The following CFAP299 variants were observed in gnomAD, a reference collection of about 807,000 sequenced individuals.
CFAP299 encodes cilia- and flagella-associated protein 299.
A neutral mutation model predicts 27.0 loss-of-function variants in CFAP299; 21 were observed. The observed-to-expected ratio is 0.78, with a 90% confidence interval of 0.55 to 1.12. The LOEUF is 1.12. Among genes scored for constraint, CFAP299 ranks in the 50% most tolerant of loss-of-function variants. The pLI, the probability that CFAP299 is intolerant of heterozygous loss-of-function variation, is 0.00. For synonymous variants in CFAP299, 104 were observed against 98.1 expected (o/e 1.06, Z -0.36); for missense variants, 310 against 276.6 (o/e 1.12, Z -0.86).
chr4:80,882,216 G>A lies in CFAP299; in HGVS notation c.476+12081G>A, dbSNP rs150557850. 3.5e-3 allele frequency among the ~76,000 whole-genome samples: 534 copies of A among 152,258 alleles called. 3 individuals carry two copies. The highest frequency in any genetic ancestry group is 0.013 in the African/African-American group (520 of 41,546). ...GCAATAATGATGGAAAACATCCTCA[G>A]TCTCAAAAAGGAAATGGAAAGCTAG... is the stretch of plus-strand genomic sequence containing the variant. On this transcript the variant is annotated intron_variant, in intron 4 of 5. Coordinates refer to ENST00000358105, the MANE Select transcript of CFAP299 (RefSeq NM_152770.3).
chr4:80,861,136 C>G (rs540883145), intron 3 of CFAP299, among the ~76,000 whole-genome samples: 2 of 152,178 alleles, frequency 1.3e-5, no homozygotes, highest in East Asian at 1.9e-4. Context: ...CCCCCAGCCT[C>G]GCTGCCACCT....
intron 3 of CFAP299, among the ~76,000 whole-genome samples, chr4:80,841,901 G>T (rs559854038): frequency 1.3e-5 from 2 of 152,184 alleles, no homozygotes; most frequent in South Asian, 2.1e-4. Flanking sequence ...TAAAAAAAAG[G>T]TCTTGGCAAG....
intron 2 of CFAP299, among the ~76,000 whole-genome samples, chr4:80,415,454 A>C (rs978128513): frequency 6.6e-6 from 1 of 152,190 alleles, no homozygotes; most frequent in Non-Finnish European, 1.5e-5. Context: ...ATTGAATCTG[A>C]ATGAAATAAA....
intron 2 of CFAP299, among the ~76,000 whole-genome samples, chr4:80,506,052 C>T (rs180783976): frequency 6.6e-6 from 1 of 151,404 alleles, no homozygotes; most frequent in East Asian, 1.9e-4. Flanking sequence ...TTTATGTTCC[C>T]AGATTAATTT....
At chr4:80,558,403 C>A (rs1277956672) in intron 2 of CFAP299, among the ~76,000 whole-genome samples, 1 of 136,148 alleles carries the variant, frequency 7.3e-6, no homozygotes, top group Admixed American at 7.5e-5. Flanking sequence ...GTTCTCATAG[C>A]TCTCTAGATT....
At chr4:80,652,109 AC>A (rs1740334628) in intron 3 of CFAP299, among the ~76,000 whole-genome samples, 1 of 152,094 alleles carries the variant, frequency 6.6e-6, no homozygotes, top group South Asian at 2.1e-4. Flanking sequence ...CTTGAAGCTG[AC>A]TACAGGGGTG....
Position 80,496,228 on chromosome 4 carries a change from A to G in CFAP299, c.243-86865A>G, listed in dbSNP as rs149542740. On this transcript the variant is annotated intron_variant, in intron 2 of 5. Coordinates refer to ENST00000358105, the MANE Select transcript of CFAP299 (RefSeq NM_152770.3). ...TCTACACTCTGCTTCTCTTTTAAAT[A>G]TAAGTTCCAACTTTAACTCATTTCT... 1.1e-3 allele frequency among the ~76,000 whole-genome samples: 173 copies of G among 152,320 alleles called. 1 individual carries two copies. The highest frequency in any genetic ancestry group is 3.8e-3 in the African/African-American group (158 of 41,578).
At chr4:80,730,523 G>T (rs1723458696) in intron 3 of CFAP299, among the ~76,000 whole-genome samples, 1 of 146,966 alleles carries the variant, frequency 6.8e-6, no homozygotes. Context: ...TACCAGCTAA[G>T]CTGATAAAAA....
Position 80,859,168 on chromosome 4 carries a change from T to C in CFAP299, c.334-10825T>C, listed in dbSNP as rs1369028035. The stretch of plus-strand genomic sequence containing the variant: ...TGATCCCTTTCCCATTATGTAATGG[T>C]CTTCTTTGTCTCTTTTGATCTTTGT... On this transcript the variant is annotated intron_variant, in intron 3 of 5. Coordinates refer to ENST00000358105, the MANE Select transcript of CFAP299 (RefSeq NM_152770.3). Among the ~76,000 whole-genome samples, 32 of 152,170 alleles carry C rather than the reference T, an allele frequency of 2.1e-4. No individual in the cohort carries two copies. The South Asian group carries it at 3.5e-3, about 17-fold the overall frequency.
At chr4:80,493,463 C>G (rs928431447) in intron 2 of CFAP299, among the ~76,000 whole-genome samples, 34 of 152,124 alleles carry the variant, frequency 2.2e-4, no homozygotes, top group Non-Finnish European at 3.7e-4. Context: ...GGAGTCAGGG[C>G]AGAGCAGATA....
At chr4:80,414,531 T>C (rs1484930607) in intron 2 of CFAP299, among the ~76,000 whole-genome samples, 1 of 152,236 alleles carries the variant, frequency 6.6e-6, no homozygotes, top group African/African-American at 2.4e-5. Flanking sequence ...GTTTAAGGAA[T>C]AAAATGAAGC....
chr4:80,583,330 AC>A, intron 3 of CFAP299, 147 bp downstream of exon 3: 1 of 403,410 alleles, frequency 2.5e-6, no homozygotes, highest in Non-Finnish European at 4.4e-6. Context: ...ATAGGAATAT[AC>A]ATAGAAAGTT....
chr4:80,384,291 A>G (rs1459020657), intron 2 of CFAP299, among the ~76,000 whole-genome samples: 1 of 152,146 alleles, frequency 6.6e-6, no homozygotes, highest in Non-Finnish European at 1.5e-5. Flanking sequence ...ATAGGGACAT[A>G]TATTTTTATT....
intron 2 of CFAP299, among the ~76,000 whole-genome samples, chr4:80,483,873 G>A (rs897013948): frequency 7.2e-5 from 11 of 152,140 alleles, no homozygotes; most frequent in African/African-American, 2.4e-4. Context: ...CTTTCGAATT[G>A]CTATTTTGTT....
chr4:80,335,516 C>T (rs528741051), upstream of CFAP299, among the ~76,000 whole-genome samples: 1 of 152,304 alleles, frequency 6.6e-6, no homozygotes, highest in African/African-American at 2.4e-5. Flanking sequence ...GTTTGCACCT[C>T]TCTGGTTGCT....
intron 2 of CFAP299, among the ~76,000 whole-genome samples, chr4:80,431,365 C>CT (rs1727806684): frequency 3.5e-5 from 3 of 86,768 alleles, no homozygotes; most frequent in South Asian, 3.6e-4. Context: ...CCCTCCATCT[C>CT]TCCCCCCTTC....
intron 3 of CFAP299, among the ~76,000 whole-genome samples, chr4:80,746,182 C>T (rs1724578688): frequency 6.6e-6 from 1 of 151,862 alleles, no homozygotes; most frequent in Non-Finnish European, 1.5e-5. Flanking sequence ...ATAAATTAAC[C>T]ACCTAGACCC....
chr4:80,766,244 T>C (rs1199575424), intron 3 of CFAP299, among the ~76,000 whole-genome samples: 3 of 152,022 alleles, frequency 2.0e-5, no homozygotes, highest in South Asian at 2.1e-4. Context: ...TAAACAGCAA[T>C]AGAGATCAAA....
chr4:80,867,199 T>C (rs1365568569), intron 3 of CFAP299, among the ~76,000 whole-genome samples: 1 of 152,158 alleles, frequency 6.6e-6, no homozygotes, highest in Non-Finnish European at 1.5e-5. Context: ...ATTAACCTTG[T>C]ATCATTATGT....
Sources: gnomAD v4.1 joint callset for allele counts (sites outside exome capture counted in the v4.1 genomes callset) on GRCh38, gnomAD v4.1.1 for gene constraint, MANE v1.5 for transcripts, NCBI Gene and HGNC (gene_info 2026-07-23, HGNC 2026-07-21) for gene names.